Variants in GAREM1 observed in about 807,000 individuals in gnomAD.
GAREM1 encodes the protein GRB2 associated regulator of MAPK1 subtype 1.
GAREM1 carries 26 observed loss-of-function variants against 71.3 expected under a neutral mutation model. The ratio of observed to expected loss-of-function variants is 0.36; its 90% CI spans 0.27 to 0.51. The LOEUF (loss-of-function observed/expected upper bound fraction) is 0.51. Among genes scored for constraint, GAREM1 ranks in the 20% least tolerant of loss-of-function variants. GAREM1 has a pLI of 0.95. For synonymous variants in GAREM1, 440 were observed against 433.2 expected (o/e 1.02, Z -0.20); for missense variants, 1,026 against 1,103.1 (o/e 0.93, Z 0.99).
intron 1 of GAREM1, among the ~76,000 whole-genome samples, chr18:32,431,438 GCCAA>G (rs1360026797): frequency 1.3e-5 from 2 of 152,102 alleles, no homozygotes; most frequent in African/African-American, 2.4e-5. Context: ...GACCAGCCTG[GCCAA>G]TGTGGTAAAA....
chr18:32,417,749 T>C (rs186799051), intron 1 of GAREM1, among the ~76,000 whole-genome samples: 1 of 151,916 alleles, frequency 6.6e-6, no homozygotes, highest in Admixed American at 6.6e-5. Context: ...GGGAGGAAGG[T>C]GGGGATGGTT....
intron 2 of GAREM1, among the ~76,000 whole-genome samples, chr18:32,384,964 G>A (rs78567467): frequency 0.017 from 2,645 of 152,258 alleles, 39 homozygotes; most frequent in Middle Eastern, 0.038. Flanking sequence ...TTAAGTAATG[G>A]AGAGAGGAAG....
intron 1 of GAREM1, among the ~76,000 whole-genome samples, chr18:32,451,213 C>G (rs1209162757): frequency 6.6e-6 from 1 of 152,084 alleles, no homozygotes; most frequent in East Asian, 1.9e-4. Context: ...GCCTGGGATC[C>G]TCAATGAGGA....
chr18:32,304,240 G>C (rs2047227921), intron 3 of GAREM1, among the ~76,000 whole-genome samples: 2 of 150,950 alleles, frequency 1.3e-5, no homozygotes, highest in East Asian at 4.0e-4. Flanking sequence ...CTGGGAGATG[G>C]GGGTTGCAGT....
chr18:32,398,480 G>C (rs190882036), intron 1 of GAREM1, among the ~76,000 whole-genome samples: 9 of 152,014 alleles, frequency 5.9e-5, no homozygotes, highest in Admixed American at 2.0e-4. Flanking sequence ...AATGATAAAG[G>C]GGATATCACC....
At chr18:32,325,398 G>T (rs1368526718) in intron 2 of GAREM1, among the ~76,000 whole-genome samples, 1 of 152,134 alleles carries the variant, frequency 6.6e-6, no homozygotes, top group Admixed American at 6.5e-5. Flanking sequence ...GTCAGTGCAG[G>T]TTCATCGATT....
At chr18:32,365,220 T>C (rs938590880) in intron 2 of GAREM1, among the ~76,000 whole-genome samples, 2 of 152,208 alleles carry the variant, frequency 1.3e-5, no homozygotes, top group Non-Finnish European at 2.9e-5. Context: ...CCTTTACATA[T>C]GTGGAACTAA....
chr18:32,372,430 C>G (rs972085322), intron 2 of GAREM1, among the ~76,000 whole-genome samples: 1 of 152,176 alleles, frequency 6.6e-6, no homozygotes, highest in African/African-American at 2.4e-5. Flanking sequence ...ACACCCAATC[C>G]TATTGATTTT....
intron 2 of GAREM1, among the ~76,000 whole-genome samples, chr18:32,320,879 A>G (rs1216709219): frequency 6.6e-6 from 1 of 152,218 alleles, no homozygotes; most frequent in Non-Finnish European, 1.5e-5. Context: ...GGACAAATTT[A>G]TCATAAACAT....
chr18:32,418,430 C>A (rs974168576), intron 1 of GAREM1, among the ~76,000 whole-genome samples: 1 of 152,220 alleles, frequency 6.6e-6, no homozygotes, highest in East Asian at 1.9e-4. Context: ...TATGGAATAG[C>A]CACATACTGT....
intron 1 of GAREM1, among the ~76,000 whole-genome samples, chr18:32,450,531 C>T (rs149689256): frequency 3.9e-5 from 6 of 152,290 alleles, no homozygotes; most frequent in Admixed American, 2.0e-4. Flanking sequence ...ATGTGATTCA[C>T]TCGGTAGCTT....
At chr18:32,462,005 C>T (rs1231368433) in intron 1 of GAREM1, among the ~76,000 whole-genome samples, 1 of 152,222 alleles carries the variant, frequency 6.6e-6, no homozygotes, top group Non-Finnish European at 1.5e-5. Context: ...CCTCTTTAAA[C>T]TATAATGCAG....
intron 2 of GAREM1, among the ~76,000 whole-genome samples, chr18:32,364,018 A>ATGGTTTTTT (rs1598991444): frequency 2.1e-5 from 1 of 48,228 alleles, no homozygotes; most frequent in Non-Finnish European, 3.5e-5. Context: ...ATATATATAT[A>ATGGTTTTTT]TATATATATG....
chr18:32,299,807 A>G (rs1318703976), intron 3 of GAREM1, among the ~76,000 whole-genome samples: 1 of 152,198 alleles, frequency 6.6e-6, no homozygotes, highest in African/African-American at 2.4e-5. Flanking sequence ...GAAAAATTAA[A>G]CTAAAAATAG....
At chr18:32,425,595 T>C (rs2048566622) in intron 1 of GAREM1, among the ~76,000 whole-genome samples, 1 of 152,170 alleles carries the variant, frequency 6.6e-6, no homozygotes, top group South Asian at 2.1e-4. Context: ...TAGTGCGAGA[T>C]AAAAATGCTA....
intron 3 of GAREM1, among the ~76,000 whole-genome samples, chr18:32,302,865 C>T (rs577504193): frequency 1.1e-4 from 16 of 152,250 alleles, no homozygotes; most frequent in African/African-American, 3.9e-4. Flanking sequence ...GAAAAGGTAC[C>T]GCTGAAATCC....
chr18:32,394,236 CA>C (rs572959888), intron 1 of GAREM1, among the ~76,000 whole-genome samples: 1 of 151,404 alleles, frequency 6.6e-6, no homozygotes, highest in Admixed American at 6.6e-5. Context: ...CCCATCTCTA[CA>C]AAAAAAATAC....
In GAREM1 at chr18:32,288,212, T is replaced by C. The variant is rs567951890; in HGVS notation, c.394-9A>G. 4 of 1,568,934 alleles carry C rather than the reference T, an allele frequency of 2.5e-6. No individual in the cohort carries two copies. The highest frequency in any genetic ancestry group is 3.5e-6 in the Non-Finnish European group (4 of 1,159,082). The stretch of plus-strand genomic sequence containing the variant: ...CATTCACCTGAAGCAACCTACAATA[T>C]AATAAATCACATTTTACGTTCATTT... On this transcript the variant is annotated splice_polypyrimidine_tract_variant and intron_variant, in intron 3 of 5. Coordinates refer to ENST00000269209, the MANE Select transcript of GAREM1 (RefSeq NM_001242409.2).
At chr18:32,276,811 G>T (rs1415942377) in intron 4 of GAREM1, among the ~76,000 whole-genome samples, 1 of 152,160 alleles carries the variant, frequency 6.6e-6, no homozygotes, top group South Asian at 2.1e-4. Context: ...ATGATAGATA[G>T]AATCTGAAGT....
Sources: allele counts gnomAD v4.1 joint callset (sites outside exome capture counted in the v4.1 genomes callset), GRCh38; gene constraint gnomAD v4.1.1; transcripts MANE v1.5; gene names NCBI Gene and HGNC (gene_info 2026-07-23, HGNC 2026-07-21).